KIAA1755: variants seen among roughly 807,000 people sequenced by gnomAD.
KIAA1755 encodes the protein KIAA1755, also known as uncharacterized protein KIAA1755.
A neutral mutation model predicts 91.7 loss-of-function variants in KIAA1755; 68 were observed. The ratio of observed to expected loss-of-function variants is 0.74; its 90% CI spans 0.61 to 0.91. The LOEUF is 0.91. KIAA1755 is among the 40% of genes least tolerant of loss of function. KIAA1755 has a pLI of 0.00. For synonymous variants in KIAA1755, 610 were observed against 604.6 expected, an observed-to-expected ratio of 1.01 and a Z score of -0.13; for missense variants, 1,535 against 1,494.4, an observed-to-expected ratio of 1.03 and a Z score of -0.45.
intron 2 of KIAA1755, among the ~76,000 whole-genome samples, chr20:38,242,199 G>C (rs1243570086): frequency 6.6e-6 from 1 of 152,180 alleles, no homozygotes; most frequent in African/African-American, 2.4e-5. Context: ...TTTCCCAAGT[G>C]GTCCCCTTGC....
intron 12 of KIAA1755, 159 bp downstream of exon 12, chr20:38,218,085 A>G: frequency 2.4e-6 from 2 of 832,578 alleles, no homozygotes; most frequent in South Asian, 3.4e-5. Context: ...TGGGGGAGAT[A>G]ACATCTCAGC....
chr20:38,223,719 A>T, intron 8 of KIAA1755, 83 bp from the exon 9 acceptor site: 1 of 1,015,054 alleles, frequency 9.9e-7, no homozygotes, highest in Non-Finnish European at 1.5e-6. Context: ...CACAGAGGGG[A>T]GGTGGGAGGC....
chr20:38,255,975 T>A (rs906623813), intron 1 of KIAA1755, among the ~76,000 whole-genome samples: 3 of 152,230 alleles, frequency 2.0e-5, no homozygotes, highest in Non-Finnish European at 4.4e-5. Context: ...TGCTTCCTAC[T>A]GTCTTGTGTG....
chr20:38,218,464 A>T, intron 11 of KIAA1755, 98 bp from the exon 12 acceptor site: 2 of 1,507,800 alleles, frequency 1.3e-6, no homozygotes, highest in Admixed American at 1.9e-5. Flanking sequence ...TTCTGTCTTC[A>T]CTCATTCAGT....
chr20:38,212,213 G>T lies in KIAA1755; in HGVS notation c.*829C>A, dbSNP rs888510552. On this transcript the variant is annotated 3_prime_UTR_variant, in exon 14 of 14. Coordinates refer to ENST00000279024, the MANE Select transcript of KIAA1755 (RefSeq NM_001029864.2). Reference sequence around the variant, plus strand: ...AACTGTAGTCCCAGCTACTTAGGAGGCTGAGGTGGGAGGATTGGTTGAACC... The same window carrying T: ...AACTGTAGTCCCAGCTACTTAGGAGTCTGAGGTGGGAGGATTGGTTGAACC... 1.3e-5 allele frequency: 2 copies of T among 152,256 alleles called. No homozygotes were observed. Among genetic ancestry groups the T allele is most frequent in the African/African-American group, 4.8e-5 (2 of 41,536 alleles). 9.4% of individuals were successfully genotyped at this position (152,256 alleles called of 1,614,324 possible).
intron 1 of KIAA1755, among the ~76,000 whole-genome samples, chr20:38,252,324 C>A (rs111861542): frequency 6.6e-6 from 1 of 152,158 alleles, no homozygotes; most frequent in African/African-American, 2.4e-5. Flanking sequence ...ATCTCCTGGT[C>A]CCTCCCTGTG....
chr20:38,244,031 T>C (rs1355288043), intron 2 of KIAA1755, among the ~76,000 whole-genome samples: 2 of 152,202 alleles, frequency 1.3e-5, no homozygotes, highest in Non-Finnish European at 2.9e-5. Context: ...CCAGAAGCCA[T>C]CCTGTTAATC....
chr20:38,231,606 C>G (rs1019707439), intron 4 of KIAA1755, among the ~76,000 whole-genome samples: 2 of 152,174 alleles, frequency 1.3e-5, no homozygotes, highest in South Asian at 4.1e-4. Context: ...TGGGGTCACA[C>G]AGAAAGGGGT....
intron 1 of KIAA1755, among the ~76,000 whole-genome samples, chr20:38,254,503 A>G (rs1349703201): frequency 1.3e-5 from 2 of 152,132 alleles, no homozygotes; most frequent in Non-Finnish European, 2.9e-5. Flanking sequence ...AAGTATAATC[A>G]GGGGCCGGGT....
intron 13 of KIAA1755, 159 bp downstream of exon 13, chr20:38,217,094 T>G: frequency 1.6e-6 from 1 of 640,580 alleles, no homozygotes. Flanking sequence ...GGGTGGTGTC[T>G]GTGCAAGTGG....
chr20:38,229,877 G>C (rs1004635568), intron 5 of KIAA1755, among the ~76,000 whole-genome samples: 2 of 152,130 alleles, frequency 1.3e-5, no homozygotes, highest in African/African-American at 2.4e-5. Context: ...ACAGAAAAAG[G>C]GGGTCCCATC....
intron 5 of KIAA1755, 38 bp downstream of exon 5, chr20:38,231,164 G>A: frequency 6.3e-7 from 1 of 1,590,646 alleles, no homozygotes; most frequent in South Asian, 1.1e-5. Flanking sequence ...AGAGGGTTGA[G>A]GTGGGGATGG....
chr20:38,218,750 C>T (rs377529168), intron 11 of KIAA1755, among the ~76,000 whole-genome samples: 4 of 152,106 alleles, frequency 2.6e-5, no homozygotes, highest in Non-Finnish European at 4.4e-5. Flanking sequence ...TGTTTGTGTG[C>T]GCGTGCACAT....
intron 10 of KIAA1755, among the ~76,000 whole-genome samples, chr20:38,221,183 G>GGGAGGGAC (rs1260680037): frequency 6.6e-6 from 1 of 152,208 alleles, no homozygotes; most frequent in Non-Finnish European, 1.5e-5. Context: ...TGCCTGGAGA[G>GGGAGGGAC]GGAGGGACGG....
At chr20:38,222,348 C>T (rs970520160) in intron 10 of KIAA1755, 101 bp downstream of exon 10, 11 of 1,297,538 alleles carry the variant, frequency 8.5e-6, no homozygotes, top group Admixed American at 6.4e-5. Context: ...TGGGCGCCCT[C>T]GGGGCTCAGC....
chr20:38,259,988 A>G (rs1309119532), intron 1 of KIAA1755, among the ~76,000 whole-genome samples: 1 of 152,146 alleles, frequency 6.6e-6, no homozygotes, highest in East Asian at 1.9e-4. Context: ...GCTGAGTCTA[A>G]AACAGCAAAA....
At position 38,227,227 on chromosome 20, in the gene KIAA1755, G is replaced by T; in HGVS notation, c.1979C>A (p.Ala660Asp). 1.2e-6 allele frequency: 2 copies of T among 1,613,740 alleles called. No homozygotes were observed. Among genetic ancestry groups the T allele is most frequent in the Non-Finnish European group, 1.7e-6 (2 of 1,179,760 alleles). Residue 660 changes from alanine to aspartate, a missense_variant, in exon 7 of 14, where the codon GCC becomes GAC. Physicochemically the swap from Ala to Asp is moderately radical, Grantham distance 126. Coordinates refer to ENST00000279024, the MANE Select transcript of KIAA1755 (RefSeq NM_001029864.2). Reference protein sequence around the residue: ...ALQATQAQVPASIRAILFLGE... With the variant: ...ALQATQAQVPDSIRAILFLGE... ...CAGGAAGAGAATAGCCCGGATAGAG[G>T]CTGGGACCTGAGCCTGTCAAAGACA...
At chr20:38,227,080 C>A in intron 7 of KIAA1755, 74 bp downstream of exon 7, 1 of 1,098,662 alleles carries the variant, frequency 9.1e-7, no homozygotes, top group South Asian at 1.4e-5. Flanking sequence ...CTGCAGTTCT[C>A]CCTCTCCTTA....
intron 1 of KIAA1755, among the ~76,000 whole-genome samples, chr20:38,259,934 A>T (rs540589274): frequency 6.6e-6 from 1 of 151,796 alleles, no homozygotes; most frequent in African/African-American, 2.4e-5. Flanking sequence ...GCCAATTCCC[A>T]TGGAAGCACC....
Sources: gnomAD v4.1 joint callset for allele counts (sites outside exome capture counted in the v4.1 genomes callset) on GRCh38, gnomAD v4.1.1 for gene constraint, MANE v1.5 for transcripts, NCBI Gene and HGNC (gene_info 2026-07-23, HGNC 2026-07-21) for gene names.